KIF13B: variants seen among roughly 807,000 people sequenced by gnomAD.
KIF13B encodes the protein kinesin-like protein KIF13B.
Under a neutral mutation model 222.0 loss-of-function variants are expected in KIF13B, and 127 were observed. The observed-to-expected ratio is 0.57, with a 90% CI of 0.50 to 0.66. The LOEUF (loss-of-function observed/expected upper bound fraction) is 0.66, where lower values mean the gene tolerates loss of function less well. Ranked by LOEUF, KIF13B falls within the 30% of genes least tolerant of loss-of-function variation. The pLI, the probability that KIF13B is intolerant of heterozygous loss-of-function variation, is 0.00. For synonymous variants in KIF13B, 976 were observed against 919.0 expected (o/e 1.06, Z -1.12); for missense variants, 2,173 against 2,379.0 (o/e 0.91, Z 1.80).
intron 34 of KIF13B, 66 bp from the exon 35 acceptor site, chr8:29,108,258 C>A: frequency 6.8e-7 from 1 of 1,467,526 alleles, no homozygotes; most frequent in South Asian, 1.2e-5. Context: ...CTAGGCAACG[C>A]CAGTCTTTGC....
At position 29,108,183 on chromosome 8, in the gene KIF13B, T is replaced by C; in HGVS notation, c.4171A>G (p.Ser1391Gly). The change falls in exon 35 of 40, where the codon AGC becomes GGC. Residue 1391 changes from serine to glycine, a missense_variant. Physicochemically the swap from Ser to Gly is moderately conservative, Grantham distance 56. Transcript: ENST00000524189. ...SSPNVNRLSG[S>G]RQDLIPSYSL... ...TATGATGGAATGAGATCTTGTCGGCTTCCAGACAACTGAAGAAGAAAGAAA... is the reference window on the plus strand; with the variant it reads ...TATGATGGAATGAGATCTTGTCGGCCTCCAGACAACTGAAGAAGAAAGAAA... 1 of 1,612,416 alleles carries C rather than the reference T, an allele frequency of 6.2e-7. No individual in the cohort carries two copies. Among genetic ancestry groups the C allele is most frequent in the Non-Finnish European group, 8.5e-7 (1 of 1,179,248 alleles).
At chr8:29,161,127 A>G (rs1811757282) in intron 12 of KIF13B, among the ~76,000 whole-genome samples, 3 of 152,202 alleles carry the variant, frequency 2.0e-5, no homozygotes, top group Admixed American at 2.0e-4. Flanking sequence ...TTCATTCTTG[A>G]AAATATCTGA....
upstream of KIF13B, chr8:29,263,257 T>G: frequency 1.9e-6 from 1 of 536,242 alleles, no homozygotes; most frequent in South Asian, 2.4e-5. Flanking sequence ...GCGGGAATGC[T>G]CGGGCGCGAG....
chr8:29,221,034 C>T (rs1003106317), intron 2 of KIF13B, among the ~76,000 whole-genome samples: 19 of 150,542 alleles, frequency 1.3e-4, no homozygotes, highest in African/African-American at 3.4e-4. Flanking sequence ...GTCACCTACT[C>T]AAGAGGCTGC....
At position 29,068,217 on chromosome 8, in the gene KIF13B, T is replaced by C. The variant is rs1018567765; in HGVS notation, c.*2287A>G. On this transcript the variant is annotated 3_prime_UTR_variant, in exon 40 of 40. Coordinates refer to ENST00000524189, the MANE Select transcript of KIF13B (RefSeq NM_015254.4). The surrounding 1 kb of genome is among the most constrained non-coding windows in gnomAD (Gnocchi z 4.4). ...AGCGCATCGGGAGTCCTAAGGCGGG[T>C]GGGCGGGCAGGCGTTCTTGGGAGGT... is the stretch of plus-strand genomic sequence containing the variant. The C allele has an allele frequency of 5.3e-5, 8 of 151,678 alleles. No homozygotes were observed. The highest frequency in any genetic ancestry group is 1.2e-4 in the Non-Finnish European group (8 of 67,948). 9.4% of individuals were successfully genotyped at this position (151,678 alleles called of 1,614,324 possible).
chr8:29,251,496 T>C (rs1245766672), intron 1 of KIF13B, among the ~76,000 whole-genome samples: 3 of 152,168 alleles, frequency 2.0e-5, no homozygotes, highest in South Asian at 2.1e-4. Context: ...GAAGATATCA[T>C]GCTAAGTGAA....
intron 32 of KIF13B, 121 bp downstream of exon 32, chr8:29,113,342 T>C: frequency 1.8e-6 from 1 of 559,996 alleles, no homozygotes; most frequent in Non-Finnish European, 3.1e-6. Context: ...CCTCTAAAAA[T>C]CTATACCTTC....
chr8:29,173,997 A>G (rs896477710), intron 10 of KIF13B, among the ~76,000 whole-genome samples: 1 of 152,000 alleles, frequency 6.6e-6, no homozygotes, highest in African/African-American at 2.4e-5. Flanking sequence ...AAAATTTTTT[A>G]AATACATATG....
At position 29,234,469 on chromosome 8, in the gene KIF13B, C is replaced by G. The variant is rs1815419658; in HGVS notation, c.149+10877G>C. On this transcript the variant is annotated intron_variant, in intron 2 of 39. Transcript: ENST00000524189. ...ATGAGGTCCCTAGAGTAGTCAAAAT[C>G]ATATATACAGTAAAATGGTGGTTGC... Among the ~76,000 whole-genome samples, 3 of 148,572 alleles carry G rather than the reference C, an allele frequency of 2.0e-5. 1 individual carries two copies. The South Asian group carries it at 6.5e-4, about 32-fold the overall frequency.
rs1351962193 is a variant in KIF13B, at chr8:29,141,331, C to T, written c.2335-714G>A. Among the ~76,000 whole-genome samples, 3 of 148,204 alleles carry T rather than the reference C, an allele frequency of 2.0e-5. No individual in the cohort carries two copies. The East Asian group carries it at 5.9e-4, about 29-fold the overall frequency. Reference sequence around the variant, plus strand: ...CCTGGATGACAGAGCAAGACTCCATCTAAAAAAAAAAAAAGGTGAGCCCCT... The same window carrying T: ...CCTGGATGACAGAGCAAGACTCCATTTAAAAAAAAAAAAAGGTGAGCCCCT... On this transcript the variant is annotated intron_variant, in intron 19 of 39. Transcript: ENST00000524189.
At chr8:29,233,126 A>T (rs1223797526) in intron 2 of KIF13B, among the ~76,000 whole-genome samples, 6 of 152,210 alleles carry the variant, frequency 3.9e-5, no homozygotes, top group African/African-American at 1.2e-4. Flanking sequence ...ACTGCACTCT[A>T]GCCCGGGTGA....
rs765226064 is a variant in KIF13B, at chr8:29,122,658, A to G, written c.3480-12T>C. On this transcript the variant is annotated splice_polypyrimidine_tract_variant and intron_variant, in intron 28 of 39. Coordinates refer to ENST00000524189, the MANE Select transcript of KIF13B (RefSeq NM_015254.4). The stretch of plus-strand genomic sequence containing the variant: ...CAGGTACTGGGGTCCTAAAACGGGA[A>G]GAACAAATGGCATCTGCCTCAGGTT... The G allele has an allele frequency of 1.9e-6, 3 of 1,602,214 alleles. No individual in the cohort carries two copies. Among genetic ancestry groups the G allele is most frequent in the African/African-American group, 2.7e-5 (2 of 74,924 alleles).
At chr8:29,117,127 C>A in intron 30 of KIF13B, 120 bp from the exon 31 acceptor site, 1 of 748,324 alleles carries the variant, frequency 1.3e-6, no homozygotes, top group Non-Finnish European at 2.1e-6. Flanking sequence ...CAAAGTTCTA[C>A]TATGACAGCT....
intron 4 of KIF13B, chr8:29,190,519 C>T (rs959837933): frequency 1.2e-5 from 2 of 160,826 alleles, no homozygotes; most frequent in Non-Finnish European, 2.7e-5. Context: ...CTTCATCTGG[C>T]TGTTTACCTG....
chr8:29,087,697 G>C (rs776764860), intron 37 of KIF13B, among the ~76,000 whole-genome samples: 1 of 152,220 alleles, frequency 6.6e-6, no homozygotes, highest in Middle Eastern at 3.4e-3. Flanking sequence ...CAAGCCCAGG[G>C]GGAACTCTTC....
At chr8:29,213,477 T>C (rs1814323748) in intron 2 of KIF13B, among the ~76,000 whole-genome samples, 2 of 152,194 alleles carry the variant, frequency 1.3e-5, no homozygotes, top group African/African-American at 4.8e-5. Flanking sequence ...GTTCAGGAAA[T>C]GCATTACGGG....
chr8:29,132,505 C>A (rs761921272), intron 22 of KIF13B, 40 bp from the exon 23 acceptor site: 29 of 1,328,478 alleles, frequency 2.2e-5, no homozygotes, highest in Admixed American at 5.8e-5. Flanking sequence ...CAAACTCTTT[C>A]TGGTAATCTT....
intron 36 of KIF13B, among the ~76,000 whole-genome samples, chr8:29,096,293 CTTTTTTT>C (rs61008499): frequency 1.3e-5 from 1 of 76,692 alleles, no homozygotes; most frequent in Non-Finnish European, 2.7e-5. Context: ...CCAAGCTTTT[CTTTTTTT>C]TTTTTTTTTT....
At chr8:29,192,072 T>C (rs1813215841) in intron 3 of KIF13B, among the ~76,000 whole-genome samples, 1 of 152,206 alleles carries the variant, frequency 6.6e-6, no homozygotes, top group Admixed American at 6.5e-5. Flanking sequence ...GATGGCCACC[T>C]TTCCATGACT....
Sources: allele counts gnomAD v4.1 joint callset (sites outside exome capture counted in the v4.1 genomes callset), GRCh38; gene constraint gnomAD v4.1.1; non-coding constraint Gnocchi (gnomAD v3.1); transcripts MANE v1.5; gene names NCBI Gene and HGNC (gene_info 2026-07-23, HGNC 2026-07-21).